Variants in INVS observed in about 807,000 individuals in gnomAD.
INVS encodes inversion of embryo turning homolog.
INVS carries 86 observed loss-of-function variants against 108.8 expected under a neutral mutation model. The observed-to-expected ratio is 0.79, with a 90% confidence interval of 0.66 to 0.95. INVS has a LOEUF of 0.95. Ranked by LOEUF, INVS falls within the 40% of genes least tolerant of loss-of-function variation. The pLI is 0.00. For missense variants in INVS, 1,169 were observed against 1,297.4 expected (o/e 0.90, Z 1.52); for synonymous variants, 455 against 473.5 (o/e 0.96, Z 0.51).
chr9:100,153,557 G>T, intron 3 of INVS, among the ~76,000 whole-genome samples: 1 of 152,192 alleles, frequency 6.6e-6, no homozygotes, highest in South Asian at 2.1e-4. Context: ...TGGCAAAACT[G>T]TAGGGAAATG....
At chr9:100,177,742 G>C (rs1469727692) in intron 3 of INVS, among the ~76,000 whole-genome samples, 1 of 152,228 alleles carries the variant, frequency 6.6e-6, no homozygotes, top group Non-Finnish European at 1.5e-5. Flanking sequence ...TCTGAAGAGA[G>C]CAGCAGATCT....
chr9:100,252,206 G>C (rs1832257796), intron 8 of INVS, 77 bp from the exon 9 acceptor site: 2 of 1,405,998 alleles, frequency 1.4e-6, no homozygotes, highest in Non-Finnish European at 2.0e-6. Flanking sequence ...GAAATCAAGA[G>C]AGGAAAAGAC....
In INVS at chr9:100,238,532, C is replaced by G. The variant is rs576634960; in HGVS notation, c.616-1528C>G. ...CTGTTATCTTTAAATATCACCTCTC[C>G]TTCATTCCCTTTACTCTTGCCTTTA... On this transcript the variant is annotated intron_variant, in intron 5 of 16. Coordinates refer to ENST00000262457, the MANE Select transcript of INVS (RefSeq NM_014425.5). 5.3e-5 allele frequency among the ~76,000 whole-genome samples: 8 copies of G among 152,300 alleles called. No individual in the cohort carries two copies. The East Asian group carries it at 1.5e-3, about 29-fold the overall frequency.
intron 3 of INVS, among the ~76,000 whole-genome samples, chr9:100,185,343 C>T (rs779538396): frequency 1.3e-4 from 19 of 151,558 alleles, no homozygotes; most frequent in Non-Finnish European, 2.1e-4. Context: ...AACATTTAGG[C>T]AACACCAGAA....
At chr9:100,226,533 C>A (rs1831327971) in intron 4 of INVS, among the ~76,000 whole-genome samples, 2 of 152,028 alleles carry the variant, frequency 1.3e-5, no homozygotes, top group Non-Finnish European at 2.9e-5. Flanking sequence ...GTCCTGTCGG[C>A]CGGGCGCATT....
rs2118777125 is a variant in INVS, at chr9:100,099,282, G to C, written c.-159G>C. 6.2e-6 allele frequency: 1 copy of C among 161,780 alleles called. No homozygotes were observed. Among genetic ancestry groups the C allele is most frequent in the East Asian group, 1.9e-4 (1 of 5,268 alleles). The allele number at this position is 161,780 out of a possible 1,614,324, so 10.0% of individuals were successfully genotyped here. ...CCGAAAGCCTCGGGCGGCCTTTTGA[G>C]GGGCTCGGCTAGCTTCAGCGCCGTG... On this transcript the variant is annotated 5_prime_UTR_variant, in exon 1 of 17. Coordinates refer to ENST00000262457, the MANE Select transcript of INVS (RefSeq NM_014425.5).
At chr9:100,148,288 C>T (rs1490645006) in intron 3 of INVS, among the ~76,000 whole-genome samples, 2 of 152,084 alleles carry the variant, frequency 1.3e-5, no homozygotes, top group Non-Finnish European at 2.9e-5. Context: ...AGGAATGATG[C>T]AGACTAGAGC....
At chr9:100,116,009 C>A (rs1827509485) in intron 2 of INVS, among the ~76,000 whole-genome samples, 1 of 152,088 alleles carries the variant, frequency 6.6e-6, no homozygotes, top group African/African-American at 2.4e-5. Context: ...GAGATGATAT[C>A]TCATTGTGGT....
chr9:100,119,936 T>C (rs1827672785), intron 2 of INVS, among the ~76,000 whole-genome samples: 1 of 152,144 alleles, frequency 6.6e-6, no homozygotes, highest in African/African-American at 2.4e-5. Flanking sequence ...TTACTGAAAA[T>C]TGAAAAAATA....
At chr9:100,242,429 C>G (rs915594446) in intron 6 of INVS, 141 bp from the exon 7 acceptor site, 63 of 613,924 alleles carry the variant, frequency 1.0e-4, no homozygotes, top group Non-Finnish European at 1.7e-4. Context: ...TTAGAAGAGG[C>G]TGCATTGGGG....
chr9:100,148,388 G>T (rs763449916), intron 3 of INVS, among the ~76,000 whole-genome samples: 27 of 152,100 alleles, frequency 1.8e-4, no homozygotes, highest in Non-Finnish European at 2.9e-4. Context: ...TAAGGTAAAA[G>T]TAAATTATTT....
In INVS at chr9:100,300,666, A is replaced by G; in HGVS notation, c.3190A>G (p.Lys1064Glu). ...AGCTACTCAGCCAAAAAACAAAACA[A>G]AACCTTGACTGCCTATGGAGGAAGA... Reference protein sequence around the residue: ...QSATQPKNKTKP With the variant: ...QSATQPKNKTEP Residue 1064 changes from lysine to glutamate, a missense_variant, in exon 17 of 17, where the codon AAA becomes GAA. Around this residue, in one of 3 missense-constraint regions of INVS, gnomAD observed 533 missense variants for 536.0 expected, o/e 0.99. Transcript: ENST00000262457. 1.2e-6 allele frequency: 2 copies of G among 1,610,058 alleles called. No homozygotes were observed.
intron 3 of INVS, among the ~76,000 whole-genome samples, chr9:100,172,935 A>T (rs1829588291): frequency 1.3e-5 from 2 of 152,098 alleles, no homozygotes; most frequent in African/African-American, 4.8e-5. Context: ...AAATCACTAG[A>T]TACCAAGTCC....
intron 2 of INVS, among the ~76,000 whole-genome samples, chr9:100,124,177 A>AGTGT (rs3052021): frequency 0.18 from 25,348 of 144,020 alleles, 2,270 homozygotes; most frequent in Non-Finnish European, 0.2. Context: ...TTTGTTTCTG[A>AGTGT]GTGTGTGTGT....
intron 3 of INVS, among the ~76,000 whole-genome samples, chr9:100,142,110 C>T (rs762340723): frequency 7.2e-5 from 11 of 152,110 alleles, no homozygotes; most frequent in Non-Finnish European, 1.5e-4. Context: ...TTTTGATGCC[C>T]CTTGCAGTGA....
At chr9:100,124,526 C>A (rs2118888954) in intron 2 of INVS, among the ~76,000 whole-genome samples, 1 of 143,066 alleles carries the variant, frequency 7.0e-6, no homozygotes, top group South Asian at 2.2e-4. Flanking sequence ...CCAGCCTGGG[C>A]AACACAGTGA....
intron 10 of INVS, among the ~76,000 whole-genome samples, chr9:100,257,342 A>T (rs1223330087): frequency 6.6e-6 from 1 of 152,190 alleles, no homozygotes; most frequent in Non-Finnish European, 1.5e-5. Flanking sequence ...CAGCACACTG[A>T]TGGGTCTTGA....
intron 3 of INVS, among the ~76,000 whole-genome samples, chr9:100,215,778 G>A (rs952142512): frequency 6.6e-6 from 1 of 152,182 alleles, no homozygotes; most frequent in African/African-American, 2.4e-5. Context: ...GGAAAGGCAC[G>A]AGGTGAGCCC....
chr9:100,190,060 A>C (rs897036746), intron 3 of INVS, among the ~76,000 whole-genome samples: 1 of 152,100 alleles, frequency 6.6e-6, no homozygotes, highest in Non-Finnish European at 1.5e-5. Flanking sequence ...GGAGCTCCAG[A>C]GTTAGGTGCA....
Sources: allele counts gnomAD v4.1 joint callset (sites outside exome capture counted in the v4.1 genomes callset), GRCh38; gene constraint gnomAD v4.1.1; regional missense constraint gnomAD v4.1.1; transcripts MANE v1.5; gene names NCBI Gene and HGNC (gene_info 2026-07-23, HGNC 2026-07-21).